Variants in GNL2 observed in about 807,000 individuals in gnomAD.
The protein encoded by GNL2 is G protein nucleolar 2, also known as nucleolar GTP-binding protein 2.
Under a neutral mutation model 92.3 loss-of-function variants are expected in GNL2, and 51 were observed. The observed-to-expected ratio is 0.55, with a 90% CI of 0.44 to 0.70. The LOEUF is 0.70. Among genes scored for constraint, GNL2 ranks in the 30% least tolerant of loss-of-function variants. GNL2 has a pLI of 0.00. For missense variants in GNL2, 844 were observed against 895.6 expected, an observed-to-expected ratio of 0.94 and a Z score of 0.74; for synonymous variants, 283 against 300.6, an observed-to-expected ratio of 0.94 and a Z score of 0.61.
At chr1:37,569,346 T>C (rs764637936) in intron 12 of GNL2, 44 bp from the exon 13 acceptor site, 25 of 1,328,398 alleles carry the variant, frequency 1.9e-5, no homozygotes, top group Non-Finnish European at 2.4e-5. Flanking sequence ...AATCAGAAAA[T>C]GAAAAATGGA....
Position 37,575,501 on chromosome 1 carries a change from T to C in GNL2, c.1143+94A>G. 1.5e-6 allele frequency: 1 copy of C among 673,758 alleles called. No individual in the cohort carries two copies. Among genetic ancestry groups the C allele is most frequent in the Non-Finnish European group, 2.5e-6 (1 of 402,002 alleles). 41.7% of individuals were successfully genotyped at this position (673,758 alleles called of 1,614,324 possible). On this transcript the variant is annotated intron_variant, in intron 10 of 15. Transcript: ENST00000373062. This position sits in a 1 kb window ranked among gnomAD's most constrained non-coding sequence, Gnocchi z 4.1. Reference sequence around the variant, plus strand: ...TTGGTCAGACAGGCTGACCCCAAACTGCCTTCTTAATAAGTAAAAAGGAAA... The same window carrying C: ...TTGGTCAGACAGGCTGACCCCAAACCGCCTTCTTAATAAGTAAAAAGGAAA...
At chr1:37,594,832 C>T (rs1275448266) in intron 1 of GNL2, among the ~76,000 whole-genome samples, 3 of 152,236 alleles carry the variant, frequency 2.0e-5, no homozygotes, top group Non-Finnish European at 4.4e-5. Flanking sequence ...TGAGCCACCA[C>T]ACCTGGCCAG....
intron 8 of GNL2, among the ~76,000 whole-genome samples, chr1:37,579,447 T>G (rs529095039): frequency 4.0e-4 from 60 of 151,816 alleles, no homozygotes; most frequent in African/African-American, 1.4e-3. Context: ...CTCGGGAGGC[T>G]GAGGCAGGAG....
intron 1 of GNL2, among the ~76,000 whole-genome samples, chr1:37,594,607 T>C (rs994316661): frequency 6.6e-5 from 10 of 152,170 alleles, no homozygotes; most frequent in African/African-American, 2.4e-4. Flanking sequence ...AGTGTCGCGA[T>C]CTCAGCTCAC....
In GNL2 at chr1:37,566,880, C is replaced by T. The variant is rs199557756; in HGVS notation, c.2171G>A (p.Arg724His). 3.7e-6 allele frequency: 6 copies of T among 1,613,112 alleles called. No individual in the cohort carries two copies. Among genetic ancestry groups the T allele is most frequent in the East Asian group, 2.2e-5 (1 of 44,880 alleles). Residue 724 changes from arginine (R) to histidine (H), a missense_variant, in exon 16 of 16, where the codon CGC becomes CAC. Arg to His is a conservative substitution (Grantham distance 29, BLOSUM62 0). Coordinates refer to ENST00000373062, the MANE Select transcript of GNL2 (RefSeq NM_013285.3). ...TTACTGCTTTTGTCTGAATTTTTTG[C>T]GTTTGTGTTTCTGTCCCTCTGAGTC... ...TNDSEGQKHKRKKFRQKQ is the reference protein window; with the variant it reads ...TNDSEGQKHKHKKFRQKQ
In GNL2 at chr1:37,575,561, A is replaced by G. The variant is rs760317066; in HGVS notation, c.1143+34T>C. 7.6e-7 allele frequency: 1 copy of G among 1,318,778 alleles called. No homozygotes were observed. The highest frequency in any genetic ancestry group is 1.5e-5 in the African/African-American group (1 of 66,484). The allele number at this position is 1,318,778 out of a possible 1,614,324, so 81.7% of individuals were successfully genotyped here. ...GGTTCCCTATAGAACACTCCCCCGC[A>G]AACACAAACAGCCTATCAGGGCCAA... On this transcript the variant is annotated intron_variant, in intron 10 of 15. Coordinates refer to ENST00000373062, the MANE Select transcript of GNL2 (RefSeq NM_013285.3). This position sits in a 1 kb window ranked among gnomAD's most constrained non-coding sequence, Gnocchi z 4.1.
At chr1:37,579,496 G>A (rs1433664855) in intron 8 of GNL2, among the ~76,000 whole-genome samples, 3 of 150,910 alleles carry the variant, frequency 2.0e-5, no homozygotes, top group Non-Finnish European at 4.4e-5. Context: ...GCAGTGAGCC[G>A]AGATCGCGCC....
Position 37,574,333 on chromosome 1 carries a change from C to T in GNL2, c.1416+10G>A, listed in dbSNP as rs1304009737. On this transcript the variant is annotated intron_variant, in intron 12 of 15. Transcript: ENST00000373062. ...CATGCTCCCCAGAGGTGGGCCCACCCTGCTCTTACCTGGGGGGCCACAAGT... is the reference window on the plus strand; with the variant it reads ...CATGCTCCCCAGAGGTGGGCCCACCTTGCTCTTACCTGGGGGGCCACAAGT... 6.3e-7 allele frequency: 1 copy of T among 1,598,216 alleles called. No individual in the cohort carries two copies. The highest frequency in any genetic ancestry group is 1.3e-5 in the African/African-American group (1 of 74,612).
At chr1:37,578,476 A>C (rs1222012572) in intron 8 of GNL2, among the ~76,000 whole-genome samples, 3 of 151,698 alleles carry the variant, frequency 2.0e-5, no homozygotes, top group Non-Finnish European at 2.9e-5. Context: ...TAGAGTCCCT[A>C]TTTAATCACC....
Position 37,587,381 on chromosome 1 carries a change from C to T in GNL2, c.499G>A (p.Ala167Thr), listed in dbSNP as rs1643863519. The T allele has an allele frequency of 6.2e-7, 1 of 1,613,634 alleles. No homozygotes were observed. The highest frequency in any genetic ancestry group is 1.7e-5 in the Admixed American group (1 of 59,976). Residue 167 changes from alanine to threonine, a missense_variant, in exon 5 of 16, where the codon GCT (alanine) becomes ACT (threonine). Transcript: ENST00000373062. ...ASDMQSLIEN[A>T]EMSTESYDQG... ...TCATAGCTCTCAGTGGACATTTCAG[C>T]ATTTTCGATAAGAGACTGCATATCA...
intron 4 of GNL2, among the ~76,000 whole-genome samples, chr1:37,589,294 T>C (rs983006091): frequency 2.0e-5 from 3 of 152,242 alleles, no homozygotes; most frequent in Non-Finnish European, 4.4e-5. Flanking sequence ...CAGTTTTCTT[T>C]GAACTATTTT....
At chr1:37,576,584 T>C (rs1185420153) in intron 8 of GNL2, 28 bp from the exon 9 acceptor site, 2 of 1,609,196 alleles carry the variant, frequency 1.2e-6, no homozygotes, top group African/African-American at 2.7e-5. Context: ...ACACAGCACA[T>C]ACATGCAGTC....
intron 8 of GNL2, among the ~76,000 whole-genome samples, chr1:37,577,656 CAAT>C (rs72412124): frequency 0.051 from 7,731 of 152,076 alleles, 282 homozygotes; most frequent in Non-Finnish European, 0.077. Flanking sequence ...AAAGATCCAG[CAAT>C]AATAATGACA....
chr1:37,590,834 C>T lies in GNL2; in HGVS notation c.256G>A (p.Val86Met). The T allele has an allele frequency of 1.3e-6, 2 of 1,582,430 alleles. No individual in the cohort carries two copies. The highest frequency in any genetic ancestry group is 1.7e-6 in the Non-Finnish European group (2 of 1,164,354). Reference protein sequence around the residue: ...PNIKWFGNTRVIKQSSLQKFQ... With the variant: ...PNIKWFGNTRMIKQSSLQKFQ... ...TTTTGTAATGATGACTGCTTAATCA[C>T]ACGTGTGTTTCCTGTTTTACAAATA... The change falls in exon 4 of 16, where the codon GTG (valine) becomes ATG (methionine). Residue 86 changes from valine to methionine, a missense_variant. By Grantham distance (21) the Val-to-Met change is conservative. Transcript: ENST00000373062.
rs768915198 is a variant in GNL2 at position 37,568,891 on chromosome 1, A to C, written c.1828T>G (p.Phe610Val). Reference sequence around the variant, plus strand: ...TTTTTGGCTTTGGCTTTGTCTAGAAACTTCTGATATTTGGCAATCTTCTCA... The same window carrying C: ...TTTTTGGCTTTGGCTTTGTCTAGAACCTTCTGATATTTGGCAATCTTCTCA... ...LDEKIAKYQKFLDKAKAKKFS... is the reference protein window; with the variant it reads ...LDEKIAKYQKVLDKAKAKKFS... The change falls in exon 13 of 16, where the codon TTT becomes GTT. Residue 610 changes from phenylalanine to valine, a missense_variant. Phe to Val is a conservative substitution (Grantham distance 50). Coordinates refer to ENST00000373062, the MANE Select transcript of GNL2 (RefSeq NM_013285.3). The C allele has an allele frequency of 6.2e-7, 1 of 1,614,054 alleles. No individual in the cohort carries two copies. Among genetic ancestry groups the C allele is most frequent in the East Asian group, 2.2e-5 (1 of 44,888 alleles).
intron 4 of GNL2, among the ~76,000 whole-genome samples, chr1:37,588,496 C>G (rs1236840570): frequency 1.3e-5 from 2 of 152,158 alleles, no homozygotes; most frequent in Non-Finnish European, 2.9e-5. Context: ...GGGAGCATCT[C>G]CAAACAGAAG....
chr1:37,590,742 T>G lies in GNL2; in HGVS notation c.348A>C (p.Leu116Phe). The G allele has an allele frequency of 6.2e-7, 1 of 1,613,362 alleles. No individual in the cohort carries two copies. The change falls in exon 4 of 16, where the codon TTA (leucine) becomes TTC (phenylalanine). Residue 116 changes from leucine (L) to phenylalanine (F), a missense_variant. Leu to Phe is a conservative substitution (Grantham distance 22). Transcript: ENST00000373062. Reference protein sequence around the residue: ...PYKVVMKQSKLPMSLLHDRIR... With the variant: ...PYKVVMKQSKFPMSLLHDRIR... ...TTCGATCATGGAGAAGAGACATTGG[T>G]AACTTGCTTTGCTTCATGACAACTT...
intron 9 of GNL2, 27 bp downstream of exon 9, chr1:37,576,401 A>C: frequency 6.2e-7 from 1 of 1,603,570 alleles, no homozygotes; most frequent in Non-Finnish European, 8.5e-7. Context: ...AATATGCAAA[A>C]GTAAGGTCAC....
chr1:37,587,242 G>T, intron 5 of GNL2, 69 bp downstream of exon 5: 1 of 1,215,374 alleles, frequency 8.2e-7, no homozygotes. Context: ...ATTCCAGCCT[G>T]GGCGACAAAG....
Sources: allele counts gnomAD v4.1 joint callset (sites outside exome capture counted in the v4.1 genomes callset), GRCh38; gene constraint gnomAD v4.1.1; non-coding constraint Gnocchi (gnomAD v3.1); transcripts MANE v1.5; gene names NCBI Gene and HGNC (gene_info 2026-07-23, HGNC 2026-07-21).